The following PDE10A variants were observed in gnomAD, a reference collection of about 807,000 sequenced individuals.
The protein encoded by PDE10A is cAMP and cAMP-inhibited cGMP 3',5'-cyclic phosphodiesterase 10A.
PDE10A carries 39 observed loss-of-function variants against 97.7 expected under a neutral mutation model. That is an observed-to-expected ratio of 0.40 (90% CI 0.31 to 0.52). The LOEUF is 0.52. PDE10A is among the 20% of genes least tolerant of loss of function. The probability of loss-of-function intolerance (pLI) is 0.56; values close to 1 mark genes in which losing one functional copy is unlikely to be tolerated. For synonymous variants in PDE10A, 371 were observed against 376.8 expected, an observed-to-expected ratio of 0.98 and a Z score of 0.18; for missense variants, 731 against 1,047.8, an observed-to-expected ratio of 0.70 and a Z score of 4.17.
intron 1 of PDE10A, among the ~76,000 whole-genome samples, chr6:165,638,106 A>G (rs1165385907): frequency 6.6e-6 from 1 of 152,120 alleles, no homozygotes; most frequent in Non-Finnish European, 1.5e-5. Context: ...CCAACTCAAC[A>G]TGGTATCTAA....
chr6:165,866,877 T>C (rs1325609621), intron 1 of PDE10A, among the ~76,000 whole-genome samples: 1 of 151,604 alleles, frequency 6.6e-6, no homozygotes, highest in Non-Finnish European at 1.5e-5. Context: ...AGTAAAGTCT[T>C]TCTCAGACAA....
intron 1 of PDE10A, among the ~76,000 whole-genome samples, chr6:165,872,228 T>A (rs1270083149): frequency 6.6e-6 from 1 of 152,214 alleles, no homozygotes; most frequent in Non-Finnish European, 1.5e-5. Flanking sequence ...TAAGAAAGAT[T>A]CTACATCCCA....
intron 2 of PDE10A, among the ~76,000 whole-genome samples, chr6:165,542,900 G>C (rs1783536462): frequency 6.6e-6 from 1 of 152,152 alleles, no homozygotes; most frequent in Non-Finnish European, 1.5e-5. Flanking sequence ...TTACAGGCGT[G>C]AGCCACTGCG....
chr6:165,940,532 C>T (rs1369505912), intron 1 of PDE10A: 1 of 152,294 alleles, frequency 6.6e-6, no homozygotes, highest in Non-Finnish European at 1.5e-5. Context: ...CCCGGCGCAG[C>T]CTGGCGCTCT....
chr6:165,742,926 G>C (rs753357179), intron 1 of PDE10A, among the ~76,000 whole-genome samples: 3 of 152,204 alleles, frequency 2.0e-5, no homozygotes, highest in Non-Finnish European at 4.4e-5. Flanking sequence ...AGCACTTGCA[G>C]CACTTGCTCA....
intron 1 of PDE10A, among the ~76,000 whole-genome samples, chr6:165,788,610 C>T (rs1778563620): frequency 6.6e-6 from 1 of 150,904 alleles, no homozygotes; most frequent in Non-Finnish European, 1.5e-5. Flanking sequence ...TTCTCAGCTT[C>T]TGTTAGCTTT....
chr6:165,480,766 G>A (rs964680984), intron 3 of PDE10A, among the ~76,000 whole-genome samples: 1 of 152,122 alleles, frequency 6.6e-6, no homozygotes, highest in African/African-American at 2.4e-5. Context: ...GGTTGCCCGA[G>A]GAATTTCTAA....
intron 1 of PDE10A, among the ~76,000 whole-genome samples, chr6:165,546,615 C>T (rs368717128): frequency 1.3e-5 from 2 of 152,038 alleles, no homozygotes; most frequent in African/African-American, 2.4e-5. Context: ...ATAAACTGTA[C>T]ATAAGCACCA....
intron 1 of PDE10A, among the ~76,000 whole-genome samples, chr6:165,929,679 A>G (rs943338369): frequency 1.3e-5 from 2 of 152,220 alleles, no homozygotes; most frequent in Non-Finnish European, 2.9e-5. Flanking sequence ...TTGGATAAAC[A>G]CAGCCAACTT....
chr6:165,639,410 T>C (rs1326938985), intron 1 of PDE10A, among the ~76,000 whole-genome samples: 2 of 152,080 alleles, frequency 1.3e-5, no homozygotes, highest in Non-Finnish European at 2.9e-5. Flanking sequence ...CCATACCTAT[T>C]ATAATTCTCA....
Position 165,384,648 on chromosome 6 carries a change from GT to G in PDE10A, c.2610+3649del, listed in dbSNP as rs1562406388. On this transcript the variant is annotated intron_variant, in intron 17 of 21. Coordinates refer to ENST00000539869, the MANE Select transcript of PDE10A (RefSeq NM_001385079.1). ...TGTGAGTGAGTGTGTGTGTGTGTGT[GT>G]GTGTGTGTGTGTGTGTGTGTATGGG... 2.6e-3 allele frequency among the ~76,000 whole-genome samples: 188 copies of G among 72,380 alleles called. 4 individuals are homozygous for G. Among genetic ancestry groups the G allele is most frequent in the Middle Eastern group, 0.011 (2 of 178 alleles). 47.5% of individuals were successfully genotyped at this position (72,380 alleles called of 152,430 possible). A position where few individuals can be genotyped will look rare whatever the true frequency, so the allele number is the denominator to read the frequency against.
chr6:165,619,883 ATAATGG>A (rs1490476072), intron 1 of PDE10A, among the ~76,000 whole-genome samples: 28 of 152,260 alleles, frequency 1.8e-4, no homozygotes, highest in Admixed American at 1.3e-3. Flanking sequence ...GCTGCCATTT[ATAATGG>A]CTACATGATC....
chr6:165,537,158 T>A, intron 2 of PDE10A, among the ~76,000 whole-genome samples: 1 of 151,574 alleles, frequency 6.6e-6, no homozygotes, highest in Non-Finnish European at 1.5e-5. Context: ...GGAACTAGAG[T>A]CCATTAAGTG....
intron 3 of PDE10A, among the ~76,000 whole-genome samples, chr6:165,479,750 C>T (rs1779497016): frequency 6.6e-6 from 1 of 151,920 alleles, no homozygotes; most frequent in Non-Finnish European, 1.5e-5. Flanking sequence ...TAGAACAATG[C>T]CTAAAACAGA....
intron 1 of PDE10A, among the ~76,000 whole-genome samples, chr6:165,894,031 C>T (rs1781873536): frequency 6.6e-6 from 1 of 152,120 alleles, no homozygotes; most frequent in Admixed American, 6.5e-5. Flanking sequence ...CCTTGTCTCC[C>T]CTCGTTGCTC....
chr6:165,856,915 C>T (rs1048531074), intron 1 of PDE10A, among the ~76,000 whole-genome samples: 4 of 152,178 alleles, frequency 2.6e-5, no homozygotes, highest in African/African-American at 9.7e-5. Flanking sequence ...GTTCTGTTAA[C>T]ACTCAAAAAC....
chr6:165,946,618 T>C lies in PDE10A; in HGVS notation c.-615+40911A>G, dbSNP rs530247718. On this transcript the variant is annotated intron_variant, in intron 1 of 19. Transcript: ENST00000366882. ...TGACAACTCTGTGCAGTTATGTATA[T>C]GTTAGTTAGCTTGATTTAGCCATTC... Among the ~76,000 whole-genome samples, 10 of 152,320 alleles carry C rather than the reference T, an allele frequency of 6.6e-5. No homozygotes were observed. The East Asian group carries it at 1.9e-3, about 29-fold the overall frequency.
intron 18 of PDE10A, among the ~76,000 whole-genome samples, chr6:165,370,091 G>C (rs924264396): frequency 3.9e-5 from 6 of 152,030 alleles, no homozygotes; most frequent in East Asian, 1.9e-4. Context: ...ACTAAACATG[G>C]AAAGGAACAA....
At chr6:165,492,768 G>C (rs1227245616) in intron 2 of PDE10A, among the ~76,000 whole-genome samples, 1 of 152,118 alleles carries the variant, frequency 6.6e-6, no homozygotes, top group Non-Finnish European at 1.5e-5. Flanking sequence ...CATTCCTTCT[G>C]AGAACTGGAA....
Sources: gnomAD v4.1 joint callset for allele counts (sites outside exome capture counted in the v4.1 genomes callset) on GRCh38, gnomAD v4.1.1 for gene constraint, MANE v1.5 for transcripts, NCBI Gene and HGNC (gene_info 2026-07-23, HGNC 2026-07-21) for gene names.